Variants in HS3ST4 observed in about 807,000 individuals in gnomAD.
HS3ST4 encodes heparan sulfate glucosamine 3-O-sulfotransferase 4.
Under a neutral mutation model 29.2 loss-of-function variants are expected in HS3ST4, and 17 were observed. The ratio of observed to expected loss-of-function variants is 0.58; its 90% CI spans 0.40 to 0.87. HS3ST4 has a LOEUF of 0.87. Among genes scored for constraint, HS3ST4 ranks in the 40% least tolerant of loss-of-function variants. The pLI, the probability that HS3ST4 is intolerant of heterozygous loss-of-function variation, is 0.00. For synonymous variants in HS3ST4, 314 were observed against 285.7 expected (o/e 1.10, Z -1.00); for missense variants, 627 against 634.5 (o/e 0.99, Z 0.13).
At chr16:26,018,838 A>T (rs1393854914) in intron 1 of HS3ST4, among the ~76,000 whole-genome samples, 3 of 151,950 alleles carry the variant, frequency 2.0e-5, no homozygotes, top group Non-Finnish European at 2.9e-5. Flanking sequence ...CATGGAAAAA[A>T]AAAAAAAAAT....
intron 1 of HS3ST4, among the ~76,000 whole-genome samples, chr16:25,810,637 G>A (rs916891919): frequency 1.3e-5 from 2 of 152,144 alleles, no homozygotes; most frequent in African/African-American, 4.8e-5. Flanking sequence ...TACACATTTA[G>A]AACCATTCTT....
intron 1 of HS3ST4, among the ~76,000 whole-genome samples, chr16:26,127,401 C>T (rs547993332): frequency 1.3e-5 from 2 of 152,314 alleles, no homozygotes; most frequent in South Asian, 4.1e-4. Context: ...TTGCTTGAAA[C>T]CAGAAGTTTC....
At chr16:26,011,452 C>T (rs181753464) in intron 1 of HS3ST4, among the ~76,000 whole-genome samples, 54 of 152,202 alleles carry the variant, frequency 3.5e-4, no homozygotes, top group Non-Finnish European at 5.7e-4. Context: ...CCTGGCTATT[C>T]GGGAGGCTGA....
chr16:25,697,812 A>G (rs187830573), intron 1 of HS3ST4, among the ~76,000 whole-genome samples: 1 of 152,076 alleles, frequency 6.6e-6, no homozygotes, highest in African/African-American at 2.4e-5. Context: ...AGCTGGGACT[A>G]CAGGTGCGCA....
chr16:25,719,725 C>T (rs998847092), intron 1 of HS3ST4, among the ~76,000 whole-genome samples: 1 of 152,158 alleles, frequency 6.6e-6, no homozygotes, highest in Non-Finnish European at 1.5e-5. Context: ...CTTCAGGCAG[C>T]CCTTAACTTT....
chr16:26,076,424 G>A (rs1007648883), intron 1 of HS3ST4, among the ~76,000 whole-genome samples: 5 of 152,198 alleles, frequency 3.3e-5, no homozygotes, highest in Non-Finnish European at 7.3e-5. Flanking sequence ...AGCAAGGAGT[G>A]TCTTAGGCTC....
At chr16:25,911,697 T>G (rs1303742403) in intron 1 of HS3ST4, among the ~76,000 whole-genome samples, 4 of 151,740 alleles carry the variant, frequency 2.6e-5, no homozygotes, top group Non-Finnish European at 5.9e-5. Flanking sequence ...TTTGTAGAGA[T>G]GGGACCTCTC....
At chr16:25,776,662 C>G (rs1966847762) in intron 1 of HS3ST4, among the ~76,000 whole-genome samples, 1 of 152,122 alleles carries the variant, frequency 6.6e-6, no homozygotes, top group African/African-American at 2.4e-5. Flanking sequence ...ATCATGCCTA[C>G]CGGAGAAAAA....
At position 26,135,749 on chromosome 16, in the gene HS3ST4, T is replaced by A. The variant is rs1227471626; in HGVS notation, c.872T>A (p.Val291Glu). The change falls in exon 2 of 2, where the codon GTG (valine) becomes GAG (glutamate). Residue 291 changes from valine to glutamate, a missense_variant. Transcript: ENST00000331351. Reference protein sequence around the residue: ...IKLIVVVRNPVTRAISDYTQT... With the variant: ...IKLIVVVRNPETRAISDYTQT... ...CTGATTGTGGTGGTGAGAAACCCCG[T>A]GACCAGGGCCATCTCTGACTACACG... 6.2e-7 allele frequency: 1 copy of A among 1,614,108 alleles called. No individual in the cohort carries two copies. Among genetic ancestry groups the A allele is most frequent in the Admixed American group, 1.7e-5 (1 of 60,020 alleles).
intron 1 of HS3ST4, among the ~76,000 whole-genome samples, chr16:25,736,019 T>G (rs1966606797): frequency 6.6e-6 from 1 of 152,180 alleles, no homozygotes; most frequent in Admixed American, 6.5e-5. Flanking sequence ...CAGTTGTAAT[T>G]TACTTGATCA....
intron 1 of HS3ST4, among the ~76,000 whole-genome samples, chr16:25,887,754 G>A (rs1187475575): frequency 7.2e-6 from 1 of 139,782 alleles, no homozygotes; most frequent in South Asian, 2.3e-4. Context: ...CTGGAGTGCA[G>A]TGGTGCTATC....
intron 1 of HS3ST4, among the ~76,000 whole-genome samples, chr16:25,865,370 A>G (rs118062483): frequency 2.0e-5 from 3 of 152,048 alleles, no homozygotes; most frequent in African/African-American, 7.2e-5. Flanking sequence ...GTGGTATTTC[A>G]TTGTGGTTTT....
chr16:25,919,815 A>C (rs1363684280), intron 1 of HS3ST4, among the ~76,000 whole-genome samples: 3 of 152,224 alleles, frequency 2.0e-5, no homozygotes, highest in African/African-American at 7.2e-5. Flanking sequence ...GGAGTTGGAA[A>C]TAATGCTAGA....
chr16:25,900,127 T>C (rs4362392), intron 1 of HS3ST4, among the ~76,000 whole-genome samples: 31,191 of 152,156 alleles, frequency 0.2, 3,415 homozygotes, highest in Admixed American at 0.27. Context: ...TTGTGTAATT[T>C]TAAGATAGGT....
At chr16:26,057,533 T>A (rs1567303381) in intron 1 of HS3ST4, among the ~76,000 whole-genome samples, 1 of 152,124 alleles carries the variant, frequency 6.6e-6, no homozygotes, top group South Asian at 2.1e-4. Flanking sequence ...GGTGGGCAGA[T>A]CATGAGGTCA....
intron 1 of HS3ST4, among the ~76,000 whole-genome samples, chr16:26,091,341 G>C (rs7201614): frequency 0.54 from 82,116 of 152,014 alleles, 22,923 homozygotes; most frequent in African/African-American, 0.67. Flanking sequence ...GTGAAAACAT[G>C]TAGCATAAGA....
Position 26,135,774 on chromosome 16 carries a change from G to T in HS3ST4, c.897G>T (p.Thr299=), listed in dbSNP as rs768005203. The change falls in exon 2 of 2, where the codon ACG becomes ACT. Residue 299 remains threonine, a synonymous_variant. Coordinates refer to ENST00000331351, the MANE Select transcript of HS3ST4 (RefSeq NM_006040.3). ...NPVTRAISDY[T]QTLSKKPEIP... is the part of the protein sequence containing the mutation. ...TGACCAGGGCCATCTCTGACTACAC[G>T]CAGACACTGTCAAAGAAACCCGAGA... is the stretch of plus-strand genomic sequence containing the variant. 1.2e-6 allele frequency: 2 copies of T among 1,609,966 alleles called. No homozygotes were observed. Among genetic ancestry groups the T allele is most frequent in the Non-Finnish European group, 1.7e-6 (2 of 1,178,464 alleles).
chr16:25,808,325 T>A (rs1423513273), intron 1 of HS3ST4, among the ~76,000 whole-genome samples: 1 of 152,242 alleles, frequency 6.6e-6, no homozygotes, highest in Non-Finnish European at 1.5e-5. Context: ...GGTTTAAGTC[T>A]GTGTTTGTAT....
intron 1 of HS3ST4, among the ~76,000 whole-genome samples, chr16:25,804,410 G>A (rs1002782331): frequency 1.2e-4 from 18 of 152,106 alleles, no homozygotes; most frequent in Admixed American, 1.1e-3. Flanking sequence ...AATCCCATAA[G>A]TCATTCTTCG....
Sources: gnomAD v4.1 joint callset for allele counts (sites outside exome capture counted in the v4.1 genomes callset) on GRCh38, gnomAD v4.1.1 for gene constraint, MANE v1.5 for transcripts, NCBI Gene and HGNC (gene_info 2026-07-23, HGNC 2026-07-21) for gene names.